LTBP1: variants seen among roughly 807,000 people sequenced by gnomAD.
The protein encoded by LTBP1 is latent transforming growth factor beta binding protein 1, also known as latent-transforming growth factor beta-binding protein 1.
In LTBP1, 129 loss-of-function variants were observed where a neutral mutation model predicts 207.6. The observed-to-expected ratio is 0.62, with a 90% CI of 0.54 to 0.72. The LOEUF (loss-of-function observed/expected upper bound fraction) is 0.72, where lower values mean the gene tolerates loss of function less well. LTBP1 is among the 30% of genes least tolerant of loss of function. LTBP1 has a pLI of 0.00. For missense variants in LTBP1, 2,281 were observed against 2,217.2 expected (o/e 1.03, Z -0.58); for synonymous variants, 963 against 833.7 (o/e 1.16, Z -2.67).
chr2:33,294,576 T>A (rs919368950), intron 20 of LTBP1, among the ~76,000 whole-genome samples: 20 of 119,156 alleles, frequency 1.7e-4, no homozygotes, highest in South Asian at 1.0e-3. Context: ...TTGGGTAAAA[T>A]TTTTTTTTTT....
At position 33,274,988 on chromosome 2, in the gene LTBP1, C is replaced by G; in HGVS notation, c.2767C>G (p.Gln923Glu). The G allele has an allele frequency of 6.2e-7, 1 of 1,613,978 alleles. No homozygotes were observed. Among genetic ancestry groups the G allele is most frequent in the Non-Finnish European group, 8.5e-7 (1 of 1,179,922 alleles). Residue 923 changes from glutamine to glutamate, a missense_variant, in exon 17 of 34, where the codon CAA becomes GAA. By Grantham distance (29) the Gln-to-Glu change is conservative (BLOSUM62 2). This residue lies in a region of LTBP1 where 1,671 missense variants were observed against 1,634.8 expected (regional missense o/e 1.02). Transcript: ENST00000404816. ...CVDIDECTQV[Q>E]HLCSQGRCEN... is the part of the protein sequence containing the mutation. ...AGATATTGATGAGTGTACTCAGGTC[C>G]AACACCTCTGCTCCCAGGGCCGCTG...
At chr2:32,985,700 A>T (rs559283680) in intron 2 of LTBP1, among the ~76,000 whole-genome samples, 67 of 152,362 alleles carry the variant, frequency 4.4e-4, no homozygotes, top group South Asian at 2.5e-3. Context: ...ATATTTATTG[A>T]GTACCTACCA....
At chr2:33,314,106 C>G (rs941206252) in intron 23 of LTBP1, among the ~76,000 whole-genome samples, 1 of 152,166 alleles carries the variant, frequency 6.6e-6, no homozygotes, top group African/African-American at 2.4e-5. Flanking sequence ...ATAAAGTCGA[C>G]AACACAAGTG....
At chr2:33,051,371 A>G (rs771050061) in intron 3 of LTBP1, among the ~76,000 whole-genome samples, 3 of 152,096 alleles carry the variant, frequency 2.0e-5, no homozygotes, top group Non-Finnish European at 4.4e-5. Context: ...AGCTGTGATT[A>G]TGCCACTTTA....
intron 3 of LTBP1, among the ~76,000 whole-genome samples, chr2:33,077,821 C>G (rs1483902712): frequency 2.0e-5 from 3 of 152,040 alleles, no homozygotes; most frequent in African/African-American, 4.8e-5. Flanking sequence ...ATTGTAATAA[C>G]AAAAATTGTG....
intron 2 of LTBP1, among the ~76,000 whole-genome samples, chr2:32,984,012 A>AT (rs968514680): frequency 1.2e-4 from 19 of 152,128 alleles, no homozygotes; most frequent in African/African-American, 3.9e-4. Flanking sequence ...GTTTTAAGGC[A>AT]TTTTTTCCCA....
intron 4 of LTBP1, among the ~76,000 whole-genome samples, chr2:33,112,533 G>C (rs1222812660): frequency 6.7e-6 from 1 of 150,120 alleles, no homozygotes; most frequent in East Asian, 1.9e-4. Context: ...AAAGATGGCT[G>C]TTGTTCAGAA....
chr2:33,129,984 AT>A (rs1251785226), intron 4 of LTBP1, among the ~76,000 whole-genome samples: 2 of 152,176 alleles, frequency 1.3e-5, no homozygotes, highest in Non-Finnish European at 2.9e-5. Context: ...ATTAATTTTT[AT>A]TTACATAGCA....
chr2:33,217,451 A>T, intron 7 of LTBP1, 101 bp from the exon 8 acceptor site: 1 of 662,452 alleles, frequency 1.5e-6, no homozygotes, highest in Admixed American at 2.3e-5. Flanking sequence ...TGTCGATAAC[A>T]AGGGAACTGG....
chr2:32,993,516 C>T (rs752149516), intron 2 of LTBP1, among the ~76,000 whole-genome samples: 31 of 152,250 alleles, frequency 2.0e-4, no homozygotes, highest in Non-Finnish European at 3.2e-4. Context: ...AATCCTTGCT[C>T]TCCCAGAGAT....
chr2:33,321,337 T>C (rs1036306849), intron 24 of LTBP1, among the ~76,000 whole-genome samples: 1 of 152,222 alleles, frequency 6.6e-6, no homozygotes, highest in Non-Finnish European at 1.5e-5. Flanking sequence ...TCATCTGAAA[T>C]GGAAACCGGT....
chr2:33,175,984 A>G (rs2086002551), intron 5 of LTBP1, among the ~76,000 whole-genome samples: 1 of 120,658 alleles, frequency 8.3e-6, no homozygotes, highest in Non-Finnish European at 1.7e-5. Flanking sequence ...GAAGGGGAAC[A>G]TCACACTCTG....
intron 24 of LTBP1, among the ~76,000 whole-genome samples, chr2:33,332,260 TG>T (rs1041795860): frequency 1.1e-3 from 164 of 149,408 alleles, no homozygotes; most frequent in African/African-American, 3.9e-3. Flanking sequence ...AAGCCAGGTG[TG>T]GTGGTGGGTA....
chr2:32,955,409 A>G (rs1445222024), intron 2 of LTBP1, among the ~76,000 whole-genome samples: 2 of 152,250 alleles, frequency 1.3e-5, no homozygotes, highest in Non-Finnish European at 2.9e-5. Context: ...TTGTTGCTGC[A>G]TCAGTGATTA....
intron 22 of LTBP1, among the ~76,000 whole-genome samples, chr2:33,302,520 A>G (rs41329047): frequency 0.024 from 3,594 of 152,246 alleles, 153 homozygotes; most frequent in African/African-American, 0.081. Flanking sequence ...GGAAAGATCT[A>G]TTGTCATTTA....
intron 24 of LTBP1, among the ~76,000 whole-genome samples, chr2:33,336,208 T>G (rs1559031381): frequency 6.6e-6 from 1 of 152,200 alleles, no homozygotes; most frequent in Non-Finnish European, 1.5e-5. Context: ...AGATGGTGTG[T>G]TCTGACCTCC....
intron 2 of LTBP1, among the ~76,000 whole-genome samples, chr2:32,980,638 G>A (rs1244262924): frequency 6.6e-6 from 1 of 152,084 alleles, no homozygotes; most frequent in Non-Finnish European, 1.5e-5. Flanking sequence ...CAATTACAGT[G>A]TTATAACATT....
At chr2:33,183,560 G>A (rs901827387) in intron 5 of LTBP1, among the ~76,000 whole-genome samples, 43 of 152,198 alleles carry the variant, frequency 2.8e-4, no homozygotes, top group African/African-American at 9.4e-4. Flanking sequence ...TCTGAACCAC[G>A]TTGTCGGGGG....
intron 19 of LTBP1, among the ~76,000 whole-genome samples, chr2:33,286,509 T>G (rs2093667115): frequency 6.6e-6 from 1 of 152,218 alleles, no homozygotes; most frequent in Non-Finnish European, 1.5e-5. Context: ...TATAGAAGAT[T>G]GCAACTGAGT....
Sources: allele counts gnomAD v4.1 joint callset (sites outside exome capture counted in the v4.1 genomes callset), GRCh38; gene constraint gnomAD v4.1.1; regional missense constraint gnomAD v4.1.1; transcripts MANE v1.5; gene names NCBI Gene and HGNC (gene_info 2026-07-23, HGNC 2026-07-21).